The following HECA variants were observed in gnomAD, a reference collection of about 807,000 sequenced individuals.
HECA encodes the protein HECA ribonucleoprotein granule regulator, also known as headcase protein homolog.
A neutral mutation model predicts 37.6 loss-of-function variants in HECA; 13 were observed. The ratio of observed to expected loss-of-function variants is 0.35; its 90% CI spans 0.23 to 0.55. HECA has a LOEUF of 0.55. HECA is among the 20% of genes least tolerant of loss of function. The pLI is 0.90. For missense variants in HECA, 527 were observed against 701.9 expected, an observed-to-expected ratio of 0.75 and a Z score of 2.82; for synonymous variants, 307 against 291.5, an observed-to-expected ratio of 1.05 and a Z score of -0.54.
At chr6:139,172,789 A>C (rs551575308) in intron 2 of HECA, among the ~76,000 whole-genome samples, 1 of 152,308 alleles carries the variant, frequency 6.6e-6, no homozygotes, top group Admixed American at 6.5e-5. Flanking sequence ...CAGCTCTGTA[A>C]GCCTCACTTC....
At chr6:139,167,379 A>C in intron 2 of HECA, 55 bp downstream of exon 2, 5 of 1,346,588 alleles carry the variant, frequency 3.7e-6, no homozygotes, top group East Asian at 2.3e-5. Context: ...CCAAACAACA[A>C]ACAAGACAGA....
intron 2 of HECA, among the ~76,000 whole-genome samples, chr6:139,167,574 G>A (rs376990569): frequency 5.9e-5 from 9 of 152,138 alleles, no homozygotes; most frequent in Non-Finnish European, 2.9e-5. Flanking sequence ...AAGGATTGCC[G>A]GTGTATGGTT....
Position 139,176,323 on chromosome 6 carries a change from T to A in HECA, c.1468-618T>A. On this transcript the variant is annotated intron_variant, in intron 3 of 3. Coordinates refer to ENST00000367658, the MANE Select transcript of HECA (RefSeq NM_016217.3). The surrounding 1 kb of genome is among the most constrained non-coding windows in gnomAD (Gnocchi z 4.5). ...GAGAACAAGTTGAGATTATACTTTT[T>A]AAGTACATTTTTAAAATGAGTCTAA... Among the ~76,000 whole-genome samples the A allele has an allele frequency of 6.6e-6, 1 of 152,220 alleles. No individual in the cohort carries two copies.
At chr6:139,164,340 A>G (rs1774851888) in intron 1 of HECA, among the ~76,000 whole-genome samples, 1 of 151,922 alleles carries the variant, frequency 6.6e-6, no homozygotes, top group Admixed American at 6.6e-5. Flanking sequence ...TTTCCCTCCA[A>G]AGGGGCCCTT....
chr6:139,150,673 G>T (rs1774639988), intron 1 of HECA, among the ~76,000 whole-genome samples: 1 of 151,412 alleles, frequency 6.6e-6, no homozygotes, highest in Admixed American at 6.6e-5. Flanking sequence ...GATTTTTTTG[G>T]TAACTCTTTT....
rs1267464840 is a variant in HECA, at chr6:139,178,996, G to A, written c.*1891G>A. 1 of 152,168 alleles carries A rather than the reference G, an allele frequency of 6.6e-6. No individual in the cohort carries two copies. Among genetic ancestry groups the A allele is most frequent in the Non-Finnish European group, 1.5e-5 (1 of 68,030 alleles). The allele number at this position is 152,168 out of a possible 1,614,324, so 9.4% of individuals were successfully genotyped here. On this transcript the variant is annotated 3_prime_UTR_variant, in exon 4 of 4. Coordinates refer to ENST00000367658, the MANE Select transcript of HECA (RefSeq NM_016217.3). ...GGATGATTTGGTTTGCTGCATCTAG[G>A]TTGGTGTTTGATCATCTGAAAAAAC...
intron 1 of HECA, among the ~76,000 whole-genome samples, chr6:139,153,407 A>G (rs1774675471): frequency 6.6e-6 from 1 of 152,064 alleles, no homozygotes; most frequent in Non-Finnish European, 1.5e-5. Flanking sequence ...ATTATCATCC[A>G]TTTAAAAAAT....
In HECA at chr6:139,172,874, A is replaced by T. The variant is rs190104768; in HGVS notation, c.1313-1511A>T. ...GTTAGGGTTAAATGAAATGATTCAC[A>T]CGGAGCTGGTAGCATAGTGCCATAC... On this transcript the variant is annotated intron_variant, in intron 2 of 3. Transcript: ENST00000367658. Among the ~76,000 whole-genome samples, 8 of 152,358 alleles carry T rather than the reference A, an allele frequency of 5.3e-5. No individual in the cohort carries two copies. The East Asian group carries it at 1.5e-3, about 29-fold the overall frequency.
At chr6:139,143,261 A>G (rs1245454380) in intron 1 of HECA, among the ~76,000 whole-genome samples, 2 of 152,220 alleles carry the variant, frequency 1.3e-5, no homozygotes, top group East Asian at 1.9e-4. Context: ...ACGTTGGCAC[A>G]GGGCCTGGCA....
At chr6:139,144,944 T>C (rs1774564849) in intron 1 of HECA, among the ~76,000 whole-genome samples, 1 of 152,180 alleles carries the variant, frequency 6.6e-6, no homozygotes, top group African/African-American at 2.4e-5. Context: ...ATCAGAGAAC[T>C]AGATGCCAGT....
Position 139,180,378 on chromosome 6 carries a change from C to T in HECA, c.*3273C>T, listed in dbSNP as rs1775117445. On this transcript the variant is annotated 3_prime_UTR_variant, in exon 4 of 4. Transcript: ENST00000367658. ...TGATGCTTAATACACAGTCTGTTCT[C>T]CTGTGTCTAGGTCAGGAACTCCAGT... The T allele has an allele frequency of 6.6e-6, 1 of 152,628 alleles. No individual in the cohort carries two copies. The highest frequency in any genetic ancestry group is 2.4e-5 in the African/African-American group (1 of 41,456). 9.5% of individuals were successfully genotyped at this position (152,628 alleles called of 1,614,324 possible). A position where few individuals can be genotyped will look rare whatever the true frequency, so the allele number is the denominator to read the frequency against.
intron 2 of HECA, among the ~76,000 whole-genome samples, chr6:139,171,499 G>A (rs1287566264): frequency 6.6e-6 from 1 of 152,218 alleles, no homozygotes; most frequent in African/African-American, 2.4e-5. Flanking sequence ...GTGAGGCCTT[G>A]ACCACATATC....
At chr6:139,137,432 T>G (rs1399659362) in intron 1 of HECA, among the ~76,000 whole-genome samples, 2 of 152,146 alleles carry the variant, frequency 1.3e-5, no homozygotes, top group African/African-American at 2.4e-5. Flanking sequence ...GAGCTTAAAG[T>G]TTCTCACAAA....
At chr6:139,141,753 C>CTTCTT (rs772152302) in intron 1 of HECA, among the ~76,000 whole-genome samples, 112 of 78,192 alleles carry the variant, frequency 1.4e-3, no homozygotes, top group Non-Finnish European at 2.5e-3. Flanking sequence ...TAAACACCTT[C>CTTCTT]TTTTTTTTTT....
chr6:139,148,929 G>A (rs912255636), intron 1 of HECA, among the ~76,000 whole-genome samples: 2 of 152,016 alleles, frequency 1.3e-5, no homozygotes, highest in African/African-American at 4.8e-5. Context: ...AGCTATGTAG[G>A]ACTTTGACAC....
intron 1 of HECA, among the ~76,000 whole-genome samples, chr6:139,161,630 A>G (rs957310224): frequency 6.6e-6 from 1 of 152,186 alleles, no homozygotes; most frequent in East Asian, 1.9e-4. Flanking sequence ...TCCTCTCTTA[A>G]TCCACCTTTC....
chr6:139,159,859 A>G (rs796819554), intron 1 of HECA, among the ~76,000 whole-genome samples: 30 of 152,338 alleles, frequency 2.0e-4, no homozygotes, highest in African/African-American at 7.0e-4. Flanking sequence ...CCACCTGCTT[A>G]TGGTGCAGCT....
Position 139,135,596 on chromosome 6 carries a change from G to A in HECA, c.200G>A (p.Gly67Glu). The part of the protein sequence containing the change: ...APGAGGAAGA[G>E]GAGTGAANAA... ...GGCGCCGGAGGCGCGGCGGGCGCCG[G>A]AGGCGCGGGGACTGGCGCCGCGAAC... Residue 67 changes from glycine (G) to glutamate (E), a missense_variant, in exon 1 of 4, where the codon GGA becomes GAA. Around this residue, in one of 4 missense-constraint regions of HECA, gnomAD observed 172 missense variants for 197.6 expected, o/e 0.87. Transcript: ENST00000367658. The A allele has an allele frequency of 2.1e-6, 2 of 964,254 alleles. No homozygotes were observed. The highest frequency in any genetic ancestry group is 2.5e-6 in the Non-Finnish European group (2 of 814,878). 59.7% of individuals were successfully genotyped at this position (964,254 alleles called of 1,614,324 possible).
chr6:139,154,185 A>T (rs958121786), intron 1 of HECA, among the ~76,000 whole-genome samples: 1 of 152,250 alleles, frequency 6.6e-6, no homozygotes, highest in Non-Finnish European at 1.5e-5. Context: ...ATGACAAGAA[A>T]AATAAGCCTG....
Sources: gnomAD v4.1 joint callset for allele counts (sites outside exome capture counted in the v4.1 genomes callset) on GRCh38, gnomAD v4.1.1 for gene constraint, gnomAD v4.1.1 regional missense constraint, Gnocchi (gnomAD v3.1) non-coding constraint, MANE v1.5 for transcripts, NCBI Gene and HGNC (gene_info 2026-07-23, HGNC 2026-07-21) for gene names.